Variants in AGTPBP1 observed in about 807,000 individuals in gnomAD.
The protein encoded by AGTPBP1 is ATP/GTP binding carboxypeptidase 1, also known as cytosolic carboxypeptidase 1.
Under a neutral mutation model 143.9 loss-of-function variants are expected in AGTPBP1, and 70 were observed. The ratio of observed to expected loss-of-function variants is 0.49; its 90% CI spans 0.40 to 0.59. The LOEUF is 0.59. Ranked by LOEUF, AGTPBP1 falls within the 20% of genes least tolerant of loss-of-function variation. The probability of loss-of-function intolerance (pLI) is 0.00; values close to 1 mark genes in which losing one functional copy is unlikely to be tolerated. For missense variants in AGTPBP1, 1,229 were observed against 1,464.5 expected, an observed-to-expected ratio of 0.84 and a Z score of 2.62; for synonymous variants, 463 against 500.2, an observed-to-expected ratio of 0.93 and a Z score of 0.99.
chr9:85,660,817 A>G (rs1796912007), intron 9 of AGTPBP1, 119 bp downstream of exon 9: 1 of 739,920 alleles, frequency 1.4e-6, no homozygotes, highest in Non-Finnish European at 2.1e-6. Flanking sequence ...TTTTGACATT[A>G]GAATATTATA....
intron 25 of AGTPBP1, among the ~76,000 whole-genome samples, chr9:85,574,811 T>A (rs1000183953): frequency 6.6e-6 from 1 of 151,792 alleles, no homozygotes; most frequent in Admixed American, 6.6e-5. Flanking sequence ...CAGGTTCAAG[T>A]GATTCTCCTG....
Position 85,635,826 on chromosome 9 carries a change from A to G in AGTPBP1, c.1303-2452T>C, listed in dbSNP as rs891743805. ...TAGGTCCTAGAAACACTCCCACCACAAAAGAAAAAAAAAAAACACGTAAAA... is the reference window on the plus strand; with the variant it reads ...TAGGTCCTAGAAACACTCCCACCACGAAAGAAAAAAAAAAAACACGTAAAA... On this transcript the variant is annotated intron_variant, in intron 13 of 25. Coordinates refer to ENST00000357081, the MANE Select transcript of AGTPBP1 (RefSeq NM_001330701.2). Among the ~76,000 whole-genome samples, 5 of 151,784 alleles carry G rather than the reference A, an allele frequency of 3.3e-5. No homozygotes were observed. The East Asian group carries it at 9.7e-4, about 29-fold the overall frequency.
intron 2 of AGTPBP1, among the ~76,000 whole-genome samples, chr9:85,702,907 T>A (rs1050876715): frequency 6.6e-6 from 1 of 152,166 alleles, no homozygotes; most frequent in Admixed American, 6.5e-5. Context: ...TCTGGACCAA[T>A]TCCATCCATG....
chr9:85,661,739 C>A (rs994196201), intron 8 of AGTPBP1, among the ~76,000 whole-genome samples: 1 of 152,018 alleles, frequency 6.6e-6, no homozygotes, highest in African/African-American at 2.4e-5. Context: ...TAATTCAAAT[C>A]GTTTATTTTT....
At chr9:85,578,786 T>G in intron 24 of AGTPBP1, 134 bp downstream of exon 24, 5 of 906,626 alleles carry the variant, frequency 5.5e-6, no homozygotes, top group Non-Finnish European at 6.5e-6. Flanking sequence ...AGACTGCATA[T>G]GATTCCATTA....
chr9:85,723,536 G>A (rs773248502), intron 1 of AGTPBP1, among the ~76,000 whole-genome samples: 1 of 152,220 alleles, frequency 6.6e-6, no homozygotes, highest in Non-Finnish European at 1.5e-5. Flanking sequence ...TGTGGGTTGC[G>A]AAGACTATGG....
chr9:85,594,166 T>C (rs1829144930), intron 18 of AGTPBP1, among the ~76,000 whole-genome samples: 1 of 152,214 alleles, frequency 6.6e-6, no homozygotes, highest in East Asian at 1.9e-4. Context: ...TACAGCTATA[T>C]GGCAGTTTCT....
chr9:85,677,048 G>A (rs540381856), intron 6 of AGTPBP1, among the ~76,000 whole-genome samples: 50 of 152,258 alleles, frequency 3.3e-4, no homozygotes, highest in African/African-American at 1.1e-3. Context: ...AATGGAGAGC[G>A]GGAGATAAGG....
intron 23 of AGTPBP1, among the ~76,000 whole-genome samples, chr9:85,582,920 G>A (rs113590747): frequency 2.2e-3 from 332 of 152,126 alleles, no homozygotes; most frequent in African/African-American, 7.6e-3. Flanking sequence ...ATGGCAAAAG[G>A]GGCTGTCCAG....
intron 18 of AGTPBP1, among the ~76,000 whole-genome samples, chr9:85,594,809 T>C (rs569035592): frequency 6.6e-6 from 1 of 152,340 alleles, no homozygotes; most frequent in African/African-American, 2.4e-5. Context: ...TGTCCTGCTA[T>C]GATCATTCAT....
In AGTPBP1 at chr9:85,585,517, C is replaced by T. The variant is rs762612808; in HGVS notation, c.3111G>A (p.Trp1037Ter). 1 of 1,611,448 alleles carries T rather than the reference C, an allele frequency of 6.2e-7. No homozygotes were observed. The highest frequency in any genetic ancestry group is 8.5e-7 in the Non-Finnish European group (1 of 1,178,854). Residue 1037 changes from tryptophan (W) to a stop codon, truncating the protein, a stop_gained, in exon 23 of 26, where the codon TGG becomes TGA. Coordinates refer to ENST00000357081, the MANE Select transcript of AGTPBP1 (RefSeq NM_001330701.2). LOFTEE classifies it high-confidence loss of function. ...MYGCSIKETV[W>*]HTNDNATSCD... ...ATGAAGTTGCATTATCATTGGTATG[C>T]CACACTGTCTCTTTGATGCTGCAAC...
Position 85,633,053 on chromosome 9 carries a change from T to C in AGTPBP1, c.1624A>G (p.Ile542Val). ...AAACCTGGGGCTGTTTGAGAAGGAA[T>C]ATTCTGCAATGTAATTCGGTCCAAG... is the stretch of plus-strand genomic sequence containing the variant. Reference protein sequence around the residue: ...KALDRITLQNIPSQTAPGFTA... With the variant: ...KALDRITLQNVPSQTAPGFTA... Residue 542 changes from isoleucine (I) to valine (V), a missense_variant, in exon 14 of 26, where the codon ATT becomes GTT. Physicochemically the swap from Ile to Val is conservative, Grantham distance 29. Coordinates refer to ENST00000357081, the MANE Select transcript of AGTPBP1 (RefSeq NM_001330701.2). 6.2e-7 allele frequency: 1 copy of C among 1,614,190 alleles called. No homozygotes were observed. Among genetic ancestry groups the C allele is most frequent in the Non-Finnish European group, 8.5e-7 (1 of 1,180,024 alleles).
intron 2 of AGTPBP1, among the ~76,000 whole-genome samples, chr9:85,710,590 T>C (rs1837301048): frequency 6.6e-6 from 1 of 152,126 alleles, no homozygotes; most frequent in Non-Finnish European, 1.5e-5. Flanking sequence ...TTCAGCTTTC[T>C]TCACAGAGCA....
At chr9:85,636,314 T>C (rs1832044954) in intron 13 of AGTPBP1, among the ~76,000 whole-genome samples, 1 of 143,662 alleles carries the variant, frequency 7.0e-6, no homozygotes, top group Non-Finnish European at 1.5e-5. Flanking sequence ...CAGGCTGGAG[T>C]GCAGTGGCGC....
intron 25 of AGTPBP1, among the ~76,000 whole-genome samples, chr9:85,555,060 C>T (rs948191546): frequency 6.6e-6 from 1 of 152,114 alleles, no homozygotes; most frequent in African/African-American, 2.4e-5. Context: ...ACTTAAATCT[C>T]CACATAAATT....
chr9:85,775,913 C>T, the AGTPBP1 span, among the ~76,000 whole-genome samples: 1 of 152,304 alleles, frequency 6.6e-6, no homozygotes, highest in Middle Eastern at 3.4e-3. Context: ...TGGCAACACC[C>T]TCACAGACAC....
chr9:85,754,357 A>G, the AGTPBP1 span, among the ~76,000 whole-genome samples: 1 of 152,056 alleles, frequency 6.6e-6, no homozygotes, highest in Non-Finnish European at 1.5e-5. Flanking sequence ...TGCCCGACTA[A>G]TTTTTTGTAT....
At chr9:85,572,325 G>A (rs1226399710) in intron 25 of AGTPBP1, among the ~76,000 whole-genome samples, 4 of 151,958 alleles carry the variant, frequency 2.6e-5, no homozygotes, top group South Asian at 4.2e-4. Context: ...GAGCCACTGC[G>A]GCTGGCTTGG....
At chr9:85,612,848 T>A (rs1587736742) in intron 17 of AGTPBP1, among the ~76,000 whole-genome samples, 1 of 151,570 alleles carries the variant, frequency 6.6e-6, no homozygotes, top group Admixed American at 6.6e-5. Context: ...CACAGAAGTG[T>A]GGGAAGTGGT....
Sources: allele counts gnomAD v4.1 joint callset (sites outside exome capture counted in the v4.1 genomes callset), GRCh38; gene constraint gnomAD v4.1.1; transcripts MANE v1.5; gene names NCBI Gene and HGNC (gene_info 2026-07-23, HGNC 2026-07-21).